The following MED27 variants were observed in gnomAD, a reference collection of about 807,000 sequenced individuals.
The protein encoded by MED27 is mediator complex subunit 27.
In MED27, 30 loss-of-function variants were observed where a neutral mutation model predicts 38.2. That is an observed-to-expected ratio of 0.79 (90% CI 0.59 to 1.07). The LOEUF is 1.07. Ranked by LOEUF, MED27 falls within the 50% of genes least tolerant of loss-of-function variation. The pLI is 0.00. For synonymous variants in MED27, 122 were observed against 153.5 expected (o/e 0.79, Z 1.52); for missense variants, 289 against 397.5 (o/e 0.73, Z 2.32).
In MED27 at chr9:131,972,698, C is replaced by T. The variant is rs1470477679; in HGVS notation, c.480-33224G>A. Among the ~76,000 whole-genome samples, 3 of 152,308 alleles carry T rather than the reference C, an allele frequency of 2.0e-5. No individual in the cohort carries two copies. In the East Asian group the frequency reaches 5.8e-4, roughly 29 times the overall value. Reference sequence around the variant, plus strand: ...TTTCATGGGAACAAGGTCAAGAAGACCCCTGGTAACATTCATGGAAAAGAA... The same window carrying T: ...TTTCATGGGAACAAGGTCAAGAAGATCCCTGGTAACATTCATGGAAAAGAA... On this transcript the variant is annotated intron_variant, in intron 3 of 7. Coordinates refer to ENST00000292035, the MANE Select transcript of MED27 (RefSeq NM_004269.4).
At position 131,902,421 on chromosome 9, in the gene MED27, A is replaced by C. The variant is rs114953478; in HGVS notation, c.574-8429T>G. ...AGAAAACAGAGACAGACCAACTCTG[A>C]AAGGCTGAAACTCTGGCAGAGCTGG... On this transcript the variant is annotated intron_variant, in intron 4 of 7. Coordinates refer to ENST00000292035, the MANE Select transcript of MED27 (RefSeq NM_004269.4). 8.5e-3 allele frequency among the ~76,000 whole-genome samples: 1,296 copies of C among 152,282 alleles called. 20 individuals are homozygous for C. The highest frequency in any genetic ancestry group is 0.03 in the African/African-American group (1,229 of 41,550).
At chr9:132,067,868 T>C (rs915393009) in intron 2 of MED27, among the ~76,000 whole-genome samples, 3 of 152,202 alleles carry the variant, frequency 2.0e-5, no homozygotes, top group African/African-American at 7.2e-5. Flanking sequence ...CCCGCCACTA[T>C]GCTTGGCTAA....
At chr9:132,055,823 C>T (rs1371133012) in intron 2 of MED27, among the ~76,000 whole-genome samples, 1 of 152,222 alleles carries the variant, frequency 6.6e-6, no homozygotes, top group Non-Finnish European at 1.5e-5. Context: ...ATTAACAACG[C>T]TAAGAAAAGT....
intron 3 of MED27, among the ~76,000 whole-genome samples, chr9:131,985,591 T>C (rs1831832280): frequency 6.6e-6 from 1 of 152,200 alleles, no homozygotes; most frequent in South Asian, 2.1e-4. Flanking sequence ...GCACTGCCTG[T>C]CACATAGAAG....
chr9:131,920,743 C>T (rs1384574129), intron 4 of MED27, among the ~76,000 whole-genome samples: 1 of 151,868 alleles, frequency 6.6e-6, no homozygotes, highest in Non-Finnish European at 1.5e-5. Context: ...CTGGGGAAAC[C>T]TTTGGCCAAA....
chr9:132,043,380 G>A (rs1833263279), intron 2 of MED27, among the ~76,000 whole-genome samples: 1 of 151,610 alleles, frequency 6.6e-6, no homozygotes, highest in Non-Finnish European at 1.5e-5. Context: ...ATTCAGTTAG[G>A]TGGGGTACAT....
intron 2 of MED27, among the ~76,000 whole-genome samples, chr9:132,016,297 C>T (rs1832600995): frequency 6.6e-6 from 1 of 152,174 alleles, no homozygotes; most frequent in Non-Finnish European, 1.5e-5. Context: ...GTGTTTGGAG[C>T]ATCCGTACTG....
intron 3 of MED27, among the ~76,000 whole-genome samples, chr9:131,975,236 A>G (rs915496946): frequency 1.3e-5 from 2 of 152,240 alleles, no homozygotes; most frequent in Non-Finnish European, 2.9e-5. Context: ...AATAAATAGC[A>G]GCTTAGCATT....
At chr9:131,930,527 C>T (rs1830565295) in intron 4 of MED27, among the ~76,000 whole-genome samples, 1 of 152,084 alleles carries the variant, frequency 6.6e-6, no homozygotes. Context: ...AAATATCCTT[C>T]AAGCATGAAG....
intron 3 of MED27, among the ~76,000 whole-genome samples, chr9:131,978,418 G>C (rs148817403): frequency 3.3e-5 from 5 of 152,254 alleles, no homozygotes; most frequent in African/African-American, 1.2e-4. Flanking sequence ...AAACTGACTA[G>C]ACAGCTGACA....
chr9:132,001,798 C>T (rs1470369135), intron 3 of MED27, among the ~76,000 whole-genome samples: 2 of 152,216 alleles, frequency 1.3e-5, no homozygotes, highest in East Asian at 3.8e-4. Flanking sequence ...GATGCTCTGA[C>T]AACTCTTGGC....
At chr9:132,057,174 G>A (rs1184364083) in intron 2 of MED27, among the ~76,000 whole-genome samples, 2 of 152,134 alleles carry the variant, frequency 1.3e-5, no homozygotes, top group African/African-American at 4.8e-5. Context: ...TTAATCACAA[G>A]AGCCTAGACA....
chr9:131,978,450 T>C (rs1831657954), intron 3 of MED27, among the ~76,000 whole-genome samples: 1 of 152,256 alleles, frequency 6.6e-6, no homozygotes, highest in African/African-American at 2.4e-5. Flanking sequence ...TTATTAGTTT[T>C]ATTTTAGGTG....
At chr9:131,999,926 G>A (rs1202376542) in intron 3 of MED27, among the ~76,000 whole-genome samples, 2 of 151,984 alleles carry the variant, frequency 1.3e-5, no homozygotes, top group Non-Finnish European at 2.9e-5. Context: ...ACTCCTCACA[G>A]CAACTAGTGG....
chr9:131,995,367 C>T (rs959249751), intron 3 of MED27, among the ~76,000 whole-genome samples: 6 of 151,984 alleles, frequency 3.9e-5, no homozygotes, highest in Non-Finnish European at 8.8e-5. Context: ...ACAGCATGGA[C>T]TTGCACTTAT....
intron 2 of MED27, among the ~76,000 whole-genome samples, chr9:132,037,267 C>T (rs1211679672): frequency 1.3e-5 from 2 of 152,152 alleles, no homozygotes; most frequent in East Asian, 1.9e-4. Flanking sequence ...AATCCATGAG[C>T]TTACTATATT....
At chr9:131,866,257 T>C (rs1212626237) in intron 6 of MED27, among the ~76,000 whole-genome samples, 1 of 152,226 alleles carries the variant, frequency 6.6e-6, no homozygotes. Context: ...TGACCTCCTC[T>C]GGCTGAACTT....
intron 5 of MED27, among the ~76,000 whole-genome samples, chr9:131,892,536 C>G (rs886403743): frequency 6.6e-6 from 1 of 152,174 alleles, no homozygotes; most frequent in African/African-American, 2.4e-5. Flanking sequence ...CACCTTTCTA[C>G]GTATTTGTTC....
At chr9:131,956,240 A>T (rs10901114) in intron 3 of MED27, among the ~76,000 whole-genome samples, 40,109 of 152,218 alleles carry the variant, frequency 0.26, 5,546 homozygotes, top group East Asian at 0.38. Context: ...GACAGAAAGT[A>T]GAATGGTGGC....
Sources: allele counts gnomAD v4.1 joint callset (sites outside exome capture counted in the v4.1 genomes callset), GRCh38; gene constraint gnomAD v4.1.1; transcripts MANE v1.5; gene names NCBI Gene and HGNC (gene_info 2026-07-23, HGNC 2026-07-21).